PDZD2: variants seen among roughly 807,000 people sequenced by gnomAD.
PDZD2 encodes the protein PDZ domain-containing protein 2.
Under a neutral mutation model 220.7 loss-of-function variants are expected in PDZD2, and 90 were observed. The ratio of observed to expected loss-of-function variants is 0.41; its 90% confidence interval spans 0.34 to 0.49. The LOEUF (loss-of-function observed/expected upper bound fraction) is 0.49. PDZD2 is among the 20% of genes least tolerant of loss of function. PDZD2 has a pLI of 0.28. For missense variants in PDZD2, 3,174 were observed against 3,608.5 expected, an observed-to-expected ratio of 0.88 and a Z score of 3.08; for synonymous variants, 1,375 against 1,450.5, an observed-to-expected ratio of 0.95 and a Z score of 1.18.
intron 2 of PDZD2, among the ~76,000 whole-genome samples, chr5:31,914,715 C>T (rs1007021041): frequency 3.3e-5 from 5 of 152,136 alleles, no homozygotes; most frequent in Admixed American, 1.3e-4. Context: ...GATGATGAAA[C>T]GGAGACAATA....
At chr5:31,699,773 T>G (rs567619891) in intron 1 of PDZD2, among the ~76,000 whole-genome samples, 23 of 142,154 alleles carry the variant, frequency 1.6e-4, no homozygotes, top group South Asian at 2.3e-4. Flanking sequence ...GGCTGTTTTT[T>G]TTTGTTTGTT....
At chr5:31,879,592 A>G (rs1301115326) in intron 2 of PDZD2, among the ~76,000 whole-genome samples, 1 of 152,086 alleles carries the variant, frequency 6.6e-6, no homozygotes, top group Non-Finnish European at 1.5e-5. Flanking sequence ...TTTCAGCAAG[A>G]GGCAAACTCA....
At chr5:32,041,227 G>A (rs1322634159) in intron 7 of PDZD2, among the ~76,000 whole-genome samples, 3 of 135,086 alleles carry the variant, frequency 2.2e-5, no homozygotes, top group African/African-American at 5.7e-5. Flanking sequence ...GAGCGCCTCT[G>A]CCCGGCCGCC....
intron 23 of PDZD2, chr5:32,099,257 G>A (rs1744031926): frequency 6.6e-6 from 1 of 152,426 alleles, no homozygotes; most frequent in Non-Finnish European, 1.5e-5. Flanking sequence ...GCAGATGTCT[G>A]GAGTGCCGTG....
At chr5:31,944,368 C>G (rs1436078105) in intron 2 of PDZD2, among the ~76,000 whole-genome samples, 4 of 151,986 alleles carry the variant, frequency 2.6e-5, no homozygotes, top group Non-Finnish European at 2.9e-5. Context: ...ACTGGGGGAT[C>G]TTGATAAAAT....
At chr5:31,823,239 G>A (rs868653848) in intron 2 of PDZD2, 4 of 348,310 alleles carry the variant, frequency 1.1e-5, no homozygotes, top group South Asian at 4.7e-5. Flanking sequence ...GGCCAAGGCA[G>A]GTAGATCACG....
At chr5:31,783,262 AT>A (rs146435699) in intron 1 of PDZD2, among the ~76,000 whole-genome samples, 18 of 149,938 alleles carry the variant, frequency 1.2e-4, no homozygotes, top group Non-Finnish European at 2.5e-4. Context: ...CTTTCTTTCC[AT>A]TTTTTTTTCT....
intron 2 of PDZD2, among the ~76,000 whole-genome samples, chr5:31,964,486 C>CT (rs543029511): frequency 9.0e-4 from 137 of 152,150 alleles, no homozygotes; most frequent in South Asian, 5.6e-3. Flanking sequence ...CGGAAGGGGC[C>CT]TTTTTTTGTT....
chr5:32,110,556 C>G lies in PDZD2; in HGVS notation c.*2421C>G, dbSNP rs1413449734. 6.6e-6 allele frequency: 1 copy of G among 152,580 alleles called. No individual in the cohort carries two copies. Among genetic ancestry groups the G allele is most frequent in the African/African-American group, 2.4e-5 (1 of 41,440 alleles). The allele number at this position is 152,580 out of a possible 1,614,324, so 9.5% of individuals were successfully genotyped here. A position where few individuals can be genotyped will look rare whatever the true frequency, so the allele number is the denominator to read the frequency against. ...AATGGTATTGTCCTACTAAAACTGT[C>G]ATTGTTTCTTTTTTTTTAACTGGTC... On this transcript the variant is annotated 3_prime_UTR_variant, in exon 25 of 25. Transcript: ENST00000438447.
At chr5:32,099,728 C>G (rs1295574252) in intron 23 of PDZD2, 1 of 152,262 alleles carries the variant, frequency 6.6e-6, no homozygotes, top group Non-Finnish European at 1.5e-5. Context: ...CTCGTGAACT[C>G]AGATCTGGAT....
chr5:32,072,033 A>G, intron 16 of PDZD2, 128 bp from the exon 17 acceptor site: 1 of 646,498 alleles, frequency 1.5e-6, no homozygotes, highest in South Asian at 2.2e-5. Flanking sequence ...GTTGGTGTTT[A>G]CTATCACAGC....
intron 2 of PDZD2, among the ~76,000 whole-genome samples, chr5:31,969,619 G>A (rs1434983777): frequency 1.3e-5 from 2 of 151,358 alleles, no homozygotes; most frequent in Admixed American, 1.3e-4. Context: ...ATTAGAATGG[G>A]CATTAACTGT....
At chr5:31,834,827 T>C (rs1165226756) in intron 2 of PDZD2, among the ~76,000 whole-genome samples, 1 of 151,918 alleles carries the variant, frequency 6.6e-6, no homozygotes, top group Non-Finnish European at 1.5e-5. Flanking sequence ...GGCACATGTA[T>C]ACATATGTAA....
Position 32,088,027 on chromosome 5 carries a change from T to G in PDZD2, c.4579T>G (p.Phe1527Val). The G allele has an allele frequency of 1.2e-6, 2 of 1,614,120 alleles. No individual in the cohort carries two copies. The highest frequency in any genetic ancestry group is 1.7e-6 in the Non-Finnish European group (2 of 1,180,008). ...KNFLSNYSRNFSSFHEDSTSL... is the reference protein window; with the variant it reads ...KNFLSNYSRNVSSFHEDSTSL... ...CTTTCTGAGCAACTACTCTAGAAAT[T>G]TTAGCAGTTTTCATGAAGACAGCAC... The change falls in exon 20 of 25, where the codon TTT (phenylalanine) becomes GTT (valine). Residue 1527 changes from phenylalanine (F) to valine (V), a missense_variant. This residue lies in a region of PDZD2 where 1,861 missense variants were observed against 2,001.0 expected (regional missense o/e 0.93). Coordinates refer to ENST00000438447, the MANE Select transcript of PDZD2 (RefSeq NM_178140.4). The surrounding 1 kb of genome is among the most constrained non-coding windows in gnomAD (Gnocchi z 4.6).
At chr5:32,041,886 T>A (rs1189395292) in intron 7 of PDZD2, among the ~76,000 whole-genome samples, 2 of 73,566 alleles carry the variant, frequency 2.7e-5, no homozygotes, top group Middle Eastern at 9.6e-3. Flanking sequence ...AAACTATAGG[T>A]AAATAAATTT....
Position 31,798,234 on chromosome 5 carries a change from G to A in PDZD2, c.-360-655G>A, listed in dbSNP as rs61681565. 5.4e-3 allele frequency among the ~76,000 whole-genome samples: 826 copies of A among 152,304 alleles called. 10 individuals carry two copies. The highest frequency in any genetic ancestry group is 0.019 in the African/African-American group (797 of 41,566). Reference sequence around the variant, plus strand: ...ATTCCTCTGGAGGGGATGGCTTTTAGGTTGGCCTGAAAATAAGTCAGTTTT... The same window carrying A: ...ATTCCTCTGGAGGGGATGGCTTTTAAGTTGGCCTGAAAATAAGTCAGTTTT... On this transcript the variant is annotated intron_variant, in intron 1 of 24. Coordinates refer to ENST00000438447, the MANE Select transcript of PDZD2 (RefSeq NM_178140.4).
intron 2 of PDZD2, among the ~76,000 whole-genome samples, chr5:31,980,739 TGA>T (rs1750223060): frequency 6.6e-6 from 1 of 152,168 alleles, no homozygotes; most frequent in African/African-American, 2.4e-5. Flanking sequence ...AAAATTGTGC[TGA>T]GAGACAGGTT....
At chr5:32,052,856 G>A in intron 9 of PDZD2, 126 bp downstream of exon 9, 1 of 975,334 alleles carries the variant, frequency 1.0e-6, no homozygotes, top group Non-Finnish European at 1.6e-6. Context: ...TGTTGCCCAG[G>A]CCGGAGTGCA....
At chr5:31,909,434 G>A (rs1742980123) in intron 2 of PDZD2, among the ~76,000 whole-genome samples, 1 of 152,056 alleles carries the variant, frequency 6.6e-6, no homozygotes, top group Non-Finnish European at 1.5e-5. Context: ...ATTAATTTGG[G>A]GAGCAGGGAC....
Sources: gnomAD v4.1 joint callset for allele counts (sites outside exome capture counted in the v4.1 genomes callset) on GRCh38, gnomAD v4.1.1 for gene constraint, gnomAD v4.1.1 regional missense constraint, Gnocchi (gnomAD v3.1) non-coding constraint, MANE v1.5 for transcripts, NCBI Gene and HGNC (gene_info 2026-07-23, HGNC 2026-07-21) for gene names.